Variants in PTPRM observed in about 807,000 individuals in gnomAD.
The protein encoded by PTPRM is protein tyrosine phosphatase receptor type M.
PTPRM carries 47 observed loss-of-function variants against 186.7 expected under a neutral mutation model. The observed-to-expected ratio is 0.25, with a 90% confidence interval of 0.20 to 0.32. PTPRM has a LOEUF of 0.32. Ranked by LOEUF, PTPRM falls within the 10% of genes least tolerant of loss-of-function variation. The pLI, the probability that PTPRM is intolerant of heterozygous loss-of-function variation, is 1.00. For synonymous variants in PTPRM, 668 were observed against 674.9 expected, an observed-to-expected ratio of 0.99 and a Z score of 0.16; for missense variants, 1,494 against 1,865.0, an observed-to-expected ratio of 0.80 and a Z score of 3.66.
At chr18:7,593,716 A>G (rs1283699820) in intron 1 of PTPRM, among the ~76,000 whole-genome samples, 2 of 152,168 alleles carry the variant, frequency 1.3e-5, no homozygotes, top group Non-Finnish European at 2.9e-5. Flanking sequence ...TGGGCATTGC[A>G]GGAATTTTAC....
At chr18:8,086,386 A>G (rs2090436469) in intron 10 of PTPRM, among the ~76,000 whole-genome samples, 1 of 152,162 alleles carries the variant, frequency 6.6e-6, no homozygotes, top group Non-Finnish European at 1.5e-5. Context: ...TAATTATGCC[A>G]TCTAACAAAA....
intron 8 of PTPRM, among the ~76,000 whole-genome samples, chr18:8,072,684 T>C (rs1039226955): frequency 6.6e-6 from 1 of 152,126 alleles, no homozygotes; most frequent in Non-Finnish European, 1.5e-5. Context: ...AATACTTTTA[T>C]TGAAATACAG....
chr18:8,372,797 C>T (rs1400596673), intron 24 of PTPRM, among the ~76,000 whole-genome samples: 1 of 150,884 alleles, frequency 6.6e-6, no homozygotes, highest in Non-Finnish European at 1.5e-5. Flanking sequence ...ATTAAAACAG[C>T]GATAAAAGAC....
chr18:7,631,176 C>T (rs2038182377), intron 1 of PTPRM, among the ~76,000 whole-genome samples: 1 of 152,150 alleles, frequency 6.6e-6, no homozygotes, highest in Admixed American at 6.5e-5. Context: ...AATCTTGAAT[C>T]CAATCCTCTG....
intron 2 of PTPRM, among the ~76,000 whole-genome samples, chr18:7,845,706 G>A (rs1301110489): frequency 6.6e-6 from 1 of 152,002 alleles, no homozygotes; most frequent in Non-Finnish European, 1.5e-5. Context: ...TTCAATGGAG[G>A]AAATTTAGAA....
chr18:8,071,981 G>C (rs1049191276), intron 8 of PTPRM, among the ~76,000 whole-genome samples: 5 of 152,076 alleles, frequency 3.3e-5, no homozygotes, highest in African/African-American at 1.2e-4. Flanking sequence ...TGTCAGAAAG[G>C]GGCCTTTCTT....
At chr18:8,171,668 A>G in intron 14 of PTPRM, among the ~76,000 whole-genome samples, 1 of 152,172 alleles carries the variant, frequency 6.6e-6, no homozygotes, top group Non-Finnish European at 1.5e-5. Context: ...GGAGAAAGCT[A>G]AATAGAGGCT....
Position 8,289,591 on chromosome 18 carries a change from CAT to C in PTPRM, c.2755-6767_2755-6766del, listed in dbSNP as rs1265855457. On this transcript the variant is annotated intron_variant, in intron 19 of 32. Coordinates refer to ENST00000580170, the MANE Select transcript of PTPRM (RefSeq NM_001105244.2). The stretch of plus-strand genomic sequence containing the variant: ...ATATATATATACATATATATATACA[CAT>C]ATATATATACACACATATATATATA... Among the ~76,000 whole-genome samples, 15 of 123,802 alleles carry C rather than the reference CAT, an allele frequency of 1.2e-4. 1 individual carries two copies. Among genetic ancestry groups the C allele is most frequent in the African/African-American group, 4.3e-4 (12 of 28,046 alleles). 81.2% of individuals were successfully genotyped at this position (123,802 alleles called of 152,430 possible).
chr18:7,710,522 C>A (rs2040189725), intron 1 of PTPRM, among the ~76,000 whole-genome samples: 1 of 152,100 alleles, frequency 6.6e-6, no homozygotes, highest in Non-Finnish European at 1.5e-5. Context: ...TCCTATTCAA[C>A]ACAGTAATGG....
At chr18:7,707,758 AT>A (rs2040127291) in intron 1 of PTPRM, among the ~76,000 whole-genome samples, 1 of 152,166 alleles carries the variant, frequency 6.6e-6, no homozygotes, top group South Asian at 2.1e-4. Flanking sequence ...TTAATACTTG[AT>A]GGGGAAGCCC....
intron 7 of PTPRM, chr18:8,017,697 C>T (rs1343789138): frequency 6.7e-6 from 1 of 148,968 alleles, no homozygotes; most frequent in East Asian, 2.0e-4. Context: ...GTGAGGAAAA[C>T]AAGTTCCCAG....
chr18:8,105,712 G>A (rs1033448771), intron 11 of PTPRM, among the ~76,000 whole-genome samples: 10 of 152,304 alleles, frequency 6.6e-5, no homozygotes, highest in South Asian at 4.1e-4. Flanking sequence ...AGCCCAGGGC[G>A]CCTGTGGGAG....
chr18:8,244,293 A>AG, intron 15 of PTPRM, 84 bp downstream of exon 15: 2 of 1,345,618 alleles, frequency 1.5e-6, no homozygotes, highest in Non-Finnish European at 2.0e-6. Flanking sequence ...TCAAAAAAAA[A>AG]AAAAGCTTCC....
At chr18:8,332,582 G>T (rs746738414) in intron 22 of PTPRM, among the ~76,000 whole-genome samples, 77 of 152,322 alleles carry the variant, frequency 5.1e-4, no homozygotes, top group Non-Finnish European at 1.0e-3. Context: ...TGTGGGTTGT[G>T]TGCGCTGGAG....
chr18:8,212,322 C>G (rs1470791378), intron 14 of PTPRM, among the ~76,000 whole-genome samples: 1 of 152,092 alleles, frequency 6.6e-6, no homozygotes, highest in Non-Finnish European at 1.5e-5. Context: ...ACAGGTGTGG[C>G]CTGCAGGTAA....
At chr18:7,711,232 G>A (rs543464366) in intron 1 of PTPRM, among the ~76,000 whole-genome samples, 5 of 152,092 alleles carry the variant, frequency 3.3e-5, no homozygotes, top group East Asian at 1.9e-4. Flanking sequence ...TCAAGGGGTC[G>A]GGGAACTCCC....
intron 2 of PTPRM, among the ~76,000 whole-genome samples, chr18:7,835,374 T>C (rs532149567): frequency 6.6e-6 from 1 of 152,116 alleles, no homozygotes; most frequent in South Asian, 2.1e-4. Context: ...TTAATTTCCA[T>C]GTATTTGTAT....
chr18:8,284,696 T>TA (rs975550515), intron 19 of PTPRM, among the ~76,000 whole-genome samples: 2 of 152,068 alleles, frequency 1.3e-5, no homozygotes, highest in African/African-American at 4.8e-5. Flanking sequence ...TACAGTGAGT[T>TA]ACGATTGCAC....
intron 32 of PTPRM, among the ~76,000 whole-genome samples, chr18:8,401,269 G>T (rs2148639891): frequency 6.6e-6 from 1 of 152,296 alleles, no homozygotes; most frequent in East Asian, 1.9e-4. Context: ...CATGGATTTT[G>T]CAGGGGGCTT....
Sources: gnomAD v4.1 joint callset for allele counts (sites outside exome capture counted in the v4.1 genomes callset) on GRCh38, gnomAD v4.1.1 for gene constraint, MANE v1.5 for transcripts, NCBI Gene and HGNC (gene_info 2026-07-23, HGNC 2026-07-21) for gene names.